The following KHK variants were observed in gnomAD, a reference collection of about 807,000 sequenced individuals.
The protein encoded by KHK is ketohexokinase.
A neutral mutation model predicts 36.0 loss-of-function variants in KHK; 37 were observed. That is an observed-to-expected ratio of 1.03 (90% CI 0.79 to 1.35). The LOEUF is 1.35. Ranked by LOEUF, KHK falls within the 40% of genes most tolerant of loss-of-function variation. The pLI is 0.00. For synonymous variants in KHK, 161 were observed against 162.8 expected (o/e 0.99, Z 0.08); for missense variants, 395 against 391.9 (o/e 1.01, Z -0.07).
chr2:27,087,268 G>A lies in KHK; in HGVS notation c.9G>A (p.Glu3=). The A allele has an allele frequency of 6.3e-7, 1 of 1,593,268 alleles. No individual in the cohort carries two copies. The highest frequency in any genetic ancestry group is 1.3e-5 in the African/African-American group (1 of 74,714). The part of the protein sequence containing the change: ME[E]KQILCVGLVV... ...GCTCTGGGAGTAGCCTCATGGAAGA[G>A]AAGCAGATCCTGTGCGTGGGGCTAG... The change falls in exon 1 of 8, where the codon GAG becomes GAA. Residue 3 remains glutamate, a synonymous_variant. Coordinates refer to ENST00000260598, the MANE Select transcript of KHK (RefSeq NM_006488.3).
intron 5 of KHK, among the ~76,000 whole-genome samples, chr2:27,098,018 T>C (rs1458334686): frequency 6.6e-6 from 1 of 152,138 alleles, no homozygotes; most frequent in Non-Finnish European, 1.5e-5. Flanking sequence ...CTGAGGTTTC[T>C]TCCAACTCAG....
At position 27,097,558 on chromosome 2, in the gene KHK, C is replaced by A. The variant is rs773003580; in HGVS notation, c.473C>A (p.Thr158Asn). ...CTGCAGCGGATAGACGCACACAACACCAGGCAGCCTCCAGAGCAGAAGATC... is the reference window on the plus strand; with the variant it reads ...CTGCAGCGGATAGACGCACACAACAACAGGCAGCCTCCAGAGCAGAAGATC... ...KMLQRIDAHNTRQPPEQKIRV... is the reference protein window; with the variant it reads ...KMLQRIDAHNNRQPPEQKIRV... Residue 158 changes from threonine to asparagine, a missense_variant, in exon 5 of 8, where the codon ACC (threonine) becomes AAC (asparagine). Coordinates refer to ENST00000260598, the MANE Select transcript of KHK (RefSeq NM_006488.3). 62 of 1,614,030 alleles carry A rather than the reference C, an allele frequency of 3.8e-5. No individual in the cohort carries two copies. The highest frequency in any genetic ancestry group is 2.3e-4 in the Admixed American group (14 of 60,030).
chr2:27,093,860 A>G (rs901738384), intron 2 of KHK, among the ~76,000 whole-genome samples: 3 of 152,142 alleles, frequency 2.0e-5, no homozygotes, highest in Non-Finnish European at 4.4e-5. Context: ...AGGCACGGGG[A>G]GCCAGCTGAT....
chr2:27,098,378 A>T (rs1670534804), intron 5 of KHK, among the ~76,000 whole-genome samples: 1 of 151,470 alleles, frequency 6.6e-6, no homozygotes, highest in South Asian at 2.1e-4. Flanking sequence ...TTAGGCCAAG[A>T]GCAGTGACTC....
intron 3 of KHK, 31 bp from the exon 4 acceptor site, chr2:27,096,695 CCTT>C (rs1276346209): frequency 1.7e-5 from 27 of 1,581,732 alleles, no homozygotes; most frequent in Admixed American, 3.3e-5. Flanking sequence ...CCATCATGCT[CCTT>C]CTTCTCTGTC....
At position 27,097,640 on chromosome 2, in the gene KHK, C is replaced by G; in HGVS notation, c.555C>G (p.Tyr185Ter). The part of the protein sequence containing the change: ...PREELFQLFG[Y>*]GDVVFVSKDV... ...AGGAGCTCTTCCAGCTGTTTGGCTA[C>G]GGAGACGTGGTGGGTGCCCCATTCA... Residue 185 changes from tyrosine to a stop codon, truncating the protein, a stop_gained, in exon 5 of 8, where the codon TAC becomes TAG. Coordinates refer to ENST00000260598, the MANE Select transcript of KHK (RefSeq NM_006488.3). LOFTEE classifies it high-confidence loss of function. The G allele has an allele frequency of 6.2e-7, 1 of 1,614,076 alleles. No individual in the cohort carries two copies.
chr2:27,097,029 A>T (rs1421152391), intron 4 of KHK, among the ~76,000 whole-genome samples: 1 of 152,238 alleles, frequency 6.6e-6, no homozygotes, highest in Non-Finnish European at 1.5e-5. Context: ...AGCTGGCTCC[A>T]GGCAAAGTCC....
chr2:27,099,902 G>A lies in KHK; in HGVS notation c.*152G>A. ...CTGCCTGTGTCCTGTGTTCCCCACA[G>A]GGAGAGGCTCTGGGGGGATGGCTGG... On this transcript the variant is annotated 3_prime_UTR_variant, in exon 8 of 8. Transcript: ENST00000260598. 1 of 1,528,816 alleles carries A rather than the reference G, an allele frequency of 6.5e-7. No homozygotes were observed. Among genetic ancestry groups the A allele is most frequent in the Non-Finnish European group, 8.9e-7 (1 of 1,128,284 alleles). 94.7% of individuals were successfully genotyped at this position (1,528,816 alleles called of 1,614,324 possible).
Position 27,094,942 on chromosome 2 carries a change from C to T in KHK, c.344+8C>T, listed in dbSNP as rs1166764297. 4.3e-6 allele frequency: 7 copies of T among 1,613,604 alleles called. No individual in the cohort carries two copies. Among genetic ancestry groups the T allele is most frequent in the Middle Eastern group, 1.6e-4 (1 of 6,084 alleles). On this transcript the variant is annotated splice_region_variant and intron_variant, in intron 3 of 7. Transcript: ENST00000260598. ...CATTGTGCTCCATGACACGTAAGGCCCCCGGGCCTCGCCCTGCTACAACCC... is the reference window on the plus strand; with the variant it reads ...CATTGTGCTCCATGACACGTAAGGCTCCCGGGCCTCGCCCTGCTACAACCC...
chr2:27,091,308 C>G (rs545984094), intron 1 of KHK, among the ~76,000 whole-genome samples: 1 of 151,498 alleles, frequency 6.6e-6, no homozygotes, highest in East Asian at 1.9e-4. Context: ...AGGCTGGTCT[C>G]GAACTTCTGG....
At position 27,099,926 on chromosome 2, in the gene KHK, G is replaced by T; in HGVS notation, c.*176G>T. ...AGGGAGAGGCTCTGGGGGGATGGCT[G>T]GGGGATGCAGAGCCTCAGAGCAAAT... is the stretch of plus-strand genomic sequence containing the variant. On this transcript the variant is annotated 3_prime_UTR_variant, in exon 8 of 8. Transcript: ENST00000260598. 7.1e-7 allele frequency: 1 copy of T among 1,399,196 alleles called. No individual in the cohort carries two copies. Among genetic ancestry groups the T allele is most frequent in the Non-Finnish European group, 9.9e-7 (1 of 1,010,690 alleles). 86.7% of individuals were successfully genotyped at this position (1,399,196 alleles called of 1,614,324 possible).
In KHK at chr2:27,100,103, A is replaced by G; in HGVS notation, c.*353A>G. 1.7e-6 allele frequency: 1 copy of G among 574,364 alleles called. No individual in the cohort carries two copies. Among genetic ancestry groups the G allele is most frequent in the Non-Finnish European group, 3.1e-6 (1 of 322,218 alleles). The allele number at this position is 574,364 out of a possible 1,614,324, so 35.6% of individuals were successfully genotyped here. On this transcript the variant is annotated 3_prime_UTR_variant, in exon 8 of 8. Coordinates refer to ENST00000260598, the MANE Select transcript of KHK (RefSeq NM_006488.3). ...CCAGAGGAGGGGCTGCCTGGGCTAG[A>G]GCAGCGAGAAGTGCCCTGGGCTTGC...
chr2:27,097,755 G>A, intron 5 of KHK, 106 bp downstream of exon 5: 1 of 1,515,254 alleles, frequency 6.6e-7, no homozygotes, highest in Non-Finnish European at 9.1e-7. Context: ...AGTGGTTCCT[G>A]GTTTGGTGGT....
rs1344276863 is a variant in KHK at position 27,099,591 on chromosome 2, C to A, written c.811+14C>A. 6.2e-7 allele frequency: 1 copy of A among 1,614,002 alleles called. No homozygotes were observed. The highest frequency in any genetic ancestry group is 8.5e-7 in the Non-Finnish European group (1 of 1,180,040). ...GCCTCTCCCAGGGTGAGTATGGCAG[C>A]AGGAGGGGAAAAGGACTGGGACCTG... On this transcript the variant is annotated intron_variant, in intron 7 of 7. Transcript: ENST00000260598.
chr2:27,094,453 C>T, intron 2 of KHK: 1 of 1,612,130 alleles, frequency 6.2e-7, no homozygotes. Flanking sequence ...ACTGCACCCC[C>T]TTCGGGTTAC....
Position 27,100,430 on chromosome 2 carries a change from C to T in KHK, c.*680C>T, listed in dbSNP as rs1284562226. The T allele has an allele frequency of 6.2e-6, 8 of 1,290,790 alleles. No homozygotes were observed. Among genetic ancestry groups the T allele is most frequent in the East Asian group, 5.5e-5 (1 of 18,170 alleles). The allele number at this position is 1,290,790 out of a possible 1,614,324, so 80.0% of individuals were successfully genotyped here. A position where few individuals can be genotyped will look rare whatever the true frequency, so the allele number is the denominator to read the frequency against. The stretch of plus-strand genomic sequence containing the variant: ...TTGGAGCCCACCTTGGAATTAAGGG[C>T]GTGCCTCAGCCACAAATGTGACCCA... On this transcript the variant is annotated 3_prime_UTR_variant, in exon 8 of 8. Coordinates refer to ENST00000260598, the MANE Select transcript of KHK (RefSeq NM_006488.3).
At position 27,099,527 on chromosome 2, in the gene KHK, T is replaced by G. The variant is rs1294371141; in HGVS notation, c.761T>G (p.Leu254Arg). Residue 254 changes from leucine to arginine, a missense_variant, in exon 7 of 8, where the codon CTG (leucine) becomes CGG (arginine). By Grantham distance (102) the Leu-to-Arg change is moderately radical (BLOSUM62 -2). Coordinates refer to ENST00000260598, the MANE Select transcript of KHK (RefSeq NM_006488.3). ...AFPPPRVVDT[L>R]GAGDTFNASV... ...CCGCCACCCCGCGTGGTGGATACAC[T>G]GGGAGCTGGAGACACCTTCAATGCC... is the stretch of plus-strand genomic sequence containing the variant. The G allele has an allele frequency of 6.2e-7, 1 of 1,614,158 alleles. No homozygotes were observed. The highest frequency in any genetic ancestry group is 2.2e-5 in the East Asian group (1 of 44,882).
intron 3 of KHK, 25 bp from the exon 4 acceptor site, chr2:27,096,704 C>CT: frequency 6.2e-7 from 1 of 1,604,438 alleles, no homozygotes; most frequent in Non-Finnish European, 8.5e-7. Flanking sequence ...TCCTTCTTCT[C>CT]TGTCTTTTCC....
chr2:27,099,789 A>G lies in KHK; in HGVS notation c.*39A>G. On this transcript the variant is annotated 3_prime_UTR_variant, in exon 8 of 8. Transcript: ENST00000260598. Reference sequence around the variant, plus strand: ...CTCCTCACACACCATGGAGACTACCATTGCGGCTGCATCGCCTTCTCCCCT... The same window carrying G: ...CTCCTCACACACCATGGAGACTACCGTTGCGGCTGCATCGCCTTCTCCCCT... 4 of 1,606,302 alleles carry G rather than the reference A, an allele frequency of 2.5e-6. No homozygotes were observed. Among genetic ancestry groups the G allele is most frequent in the Non-Finnish European group, 2.5e-6 (3 of 1,176,532 alleles).
Sources: allele counts gnomAD v4.1 joint callset (sites outside exome capture counted in the v4.1 genomes callset), GRCh38; gene constraint gnomAD v4.1.1; transcripts MANE v1.5; gene names NCBI Gene and HGNC (gene_info 2026-07-23, HGNC 2026-07-21).